HOOK3: variants seen among roughly 807,000 people sequenced by gnomAD.
HOOK3 encodes the protein protein Hook homolog 3.
Under a neutral mutation model 116.3 loss-of-function variants are expected in HOOK3, and 24 were observed. That is an observed-to-expected ratio of 0.21 (90% CI 0.15 to 0.29). The LOEUF is 0.29. HOOK3 is among the 10% of genes least tolerant of loss of function. The pLI is 1.00. For missense variants in HOOK3, 632 were observed against 830.2 expected, an observed-to-expected ratio of 0.76 and a Z score of 2.93; for synonymous variants, 275 against 283.0, an observed-to-expected ratio of 0.97 and a Z score of 0.28.
At chr8:42,909,554 C>T (rs1276526746) in intron 2 of HOOK3, among the ~76,000 whole-genome samples, 5 of 152,326 alleles carry the variant, frequency 3.3e-5, no homozygotes, top group African/African-American at 1.2e-4. Flanking sequence ...GCCTCAAACT[C>T]CCAGGCTCAG....
chr8:43,005,651 G>C (rs575236579), intron 17 of HOOK3, among the ~76,000 whole-genome samples: 121 of 151,844 alleles, frequency 8.0e-4, no homozygotes, highest in African/African-American at 2.8e-3. Flanking sequence ...CTAAGTTTTG[G>C]GGATGATTTG....
intron 2 of HOOK3, among the ~76,000 whole-genome samples, chr8:42,916,340 G>A (rs144961707): frequency 3.3e-5 from 5 of 152,290 alleles, no homozygotes; most frequent in East Asian, 1.9e-4. Context: ...GTTTACCACT[G>A]TTGTTTTCCG....
At chr8:42,934,754 T>C (rs1807934721) in intron 4 of HOOK3, among the ~76,000 whole-genome samples, 2 of 152,212 alleles carry the variant, frequency 1.3e-5, no homozygotes, top group Admixed American at 6.5e-5. Flanking sequence ...TGGTATTCCA[T>C]GGTGTATATG....
chr8:42,971,642 T>A (rs887531741), intron 11 of HOOK3, among the ~76,000 whole-genome samples: 1 of 152,138 alleles, frequency 6.6e-6, no homozygotes, highest in African/African-American at 2.4e-5. Context: ...CCTGGTTATT[T>A]TTGATGGTCT....
intron 2 of HOOK3, among the ~76,000 whole-genome samples, chr8:42,915,032 G>A (rs893302449): frequency 2.0e-5 from 3 of 152,118 alleles, no homozygotes; most frequent in African/African-American, 4.8e-5. Flanking sequence ...GCCAGATGCC[G>A]ACTTTAGATA....
rs1304242110 is a variant in HOOK3, at chr8:43,024,518, C to T, written c.*6020C>T. ...CAGTTTCTTTTGGTAATTATCCAACCTAGTTTCATTACATTTAGAAGGAGG... is the reference window on the plus strand; with the variant it reads ...CAGTTTCTTTTGGTAATTATCCAACTTAGTTTCATTACATTTAGAAGGAGG... On this transcript the variant is annotated 3_prime_UTR_variant, in exon 22 of 22. Transcript: ENST00000307602. 2 of 187,826 alleles carry T rather than the reference C, an allele frequency of 1.1e-5. No individual in the cohort carries two copies. The highest frequency in any genetic ancestry group is 6.2e-5 in the Admixed American group (1 of 16,152). The allele number at this position is 187,826 out of a possible 1,614,324, so 11.6% of individuals were successfully genotyped here. A position where few individuals can be genotyped will look rare whatever the true frequency, so the allele number is the denominator to read the frequency against.
At chr8:42,901,721 CT>C (rs1212069054) in intron 1 of HOOK3, among the ~76,000 whole-genome samples, 1 of 152,090 alleles carries the variant, frequency 6.6e-6, no homozygotes, top group Non-Finnish European at 1.5e-5. Context: ...CAAATCAAGT[CT>C]TTTTTTGGAG....
chr8:42,986,940 T>TG (rs1178871527), intron 15 of HOOK3, 145 bp downstream of exon 15: 2 of 782,226 alleles, frequency 2.6e-6, no homozygotes, highest in Non-Finnish European at 4.2e-6. Flanking sequence ...GCAGATCGCT[T>TG]GAGCTCGGGA....
chr8:42,962,625 C>T (rs1370649992), intron 8 of HOOK3, among the ~76,000 whole-genome samples: 6 of 151,244 alleles, frequency 4.0e-5, no homozygotes, highest in Non-Finnish European at 8.9e-5. Flanking sequence ...AGGCTGTTCT[C>T]CAACTCCTAG....
intron 3 of HOOK3, among the ~76,000 whole-genome samples, chr8:42,926,269 T>A (rs1442720875): frequency 2.6e-5 from 4 of 152,294 alleles, no homozygotes; most frequent in Admixed American, 6.5e-5. Flanking sequence ...TCCACCAAAT[T>A]ATTTTTTTAA....
At chr8:43,004,328 C>G (rs1186168255) in intron 17 of HOOK3, among the ~76,000 whole-genome samples, 2 of 147,936 alleles carry the variant, frequency 1.4e-5, no homozygotes, top group African/African-American at 5.0e-5. Context: ...GATCACACCA[C>G]TGCACTCCAG....
intron 1 of HOOK3, among the ~76,000 whole-genome samples, chr8:42,901,080 C>A (rs1237617495): frequency 6.6e-6 from 1 of 152,214 alleles, no homozygotes; most frequent in Non-Finnish European, 1.5e-5. Flanking sequence ...CCCATTGCCT[C>A]AACCAGCTAG....
chr8:43,013,519 A>C, intron 21 of HOOK3, 119 bp downstream of exon 21: 1 of 728,856 alleles, frequency 1.4e-6, no homozygotes, highest in Non-Finnish European at 2.1e-6. Context: ...TGCTATCCTA[A>C]CATACACTAA....
chr8:43,002,610 G>A (rs1422353352), intron 17 of HOOK3, among the ~76,000 whole-genome samples: 2 of 152,190 alleles, frequency 1.3e-5, no homozygotes, highest in African/African-American at 2.4e-5. Context: ...TGGCCCATGG[G>A]CTATAGCTTG....
chr8:43,005,214 A>ATTTTTTTTTTT (rs1178140233), intron 17 of HOOK3, among the ~76,000 whole-genome samples: 1 of 63,182 alleles, frequency 1.6e-5, no homozygotes, highest in Non-Finnish European at 2.8e-5. Context: ...TATATATATA[A>ATTTTTTTTTTT]TTTTTTTTTT....
intron 19 of HOOK3, 63 bp downstream of exon 19, chr8:43,010,468 A>T: frequency 2.0e-6 from 1 of 497,720 alleles, no homozygotes; most frequent in Non-Finnish European, 3.4e-6. Flanking sequence ...GAAGTCTCAA[A>T]TATAATGGAC....
chr8:42,973,455 A>AT (rs1327970050), intron 12 of HOOK3, 56 bp downstream of exon 12: 21 of 1,098,140 alleles, frequency 1.9e-5, no homozygotes, highest in Non-Finnish European at 2.7e-5. Context: ...TAAGGCGATT[A>AT]TGTTTAATTC....
chr8:42,940,446 C>T lies in HOOK3; in HGVS notation c.268-2867C>T, dbSNP rs548044167. On this transcript the variant is annotated intron_variant, in intron 4 of 21. Coordinates refer to ENST00000307602, the MANE Select transcript of HOOK3 (RefSeq NM_032410.4). ...AGATGGCAGCAGTACAGTCCAGCCT[C>T]GGCTCGGCATCAGAGGGAGACCGTG... Among the ~76,000 whole-genome samples the T allele has an allele frequency of 1.8e-4, 27 of 152,316 alleles. No homozygotes were observed. In the East Asian group the frequency reaches 2.3e-3, roughly 13 times the overall value.
At chr8:42,910,936 C>T (rs1807414963) in intron 2 of HOOK3, among the ~76,000 whole-genome samples, 2 of 152,174 alleles carry the variant, frequency 1.3e-5, no homozygotes, top group Non-Finnish European at 2.9e-5. Flanking sequence ...AGGTCATGAA[C>T]ATTTTACCTG....
Sources: allele counts gnomAD v4.1 joint callset (sites outside exome capture counted in the v4.1 genomes callset), GRCh38; gene constraint gnomAD v4.1.1; transcripts MANE v1.5; gene names NCBI Gene and HGNC (gene_info 2026-07-23, HGNC 2026-07-21).